POLR1B: variants seen among roughly 807,000 people sequenced by gnomAD.
POLR1B encodes DNA-directed RNA polymerase I subunit RPA2.
In POLR1B, 30 loss-of-function variants were observed where a neutral mutation model predicts 105.8. The observed-to-expected ratio is 0.28, with a 90% CI of 0.21 to 0.38. The LOEUF (loss-of-function observed/expected upper bound fraction) is 0.38. Ranked by LOEUF, POLR1B falls within the 10% of genes least tolerant of loss-of-function variation. The probability of loss-of-function intolerance (pLI) is 1.00; values close to 1 mark genes in which losing one functional copy is unlikely to be tolerated. For synonymous variants in POLR1B, 485 were observed against 505.1 expected, an observed-to-expected ratio of 0.96 and a Z score of 0.53; for missense variants, 976 against 1,435.8, an observed-to-expected ratio of 0.68 and a Z score of 5.17.
rs1057497732 is a variant in POLR1B at position 112,577,038 on chromosome 2, A to G, written c.*1309A>G. 6.6e-6 allele frequency: 1 copy of G among 152,168 alleles called. No homozygotes were observed. Among genetic ancestry groups the G allele is most frequent in the Non-Finnish European group, 1.5e-5 (1 of 68,038 alleles). 9.4% of individuals were successfully genotyped at this position (152,168 alleles called of 1,614,324 possible). On this transcript the variant is annotated 3_prime_UTR_variant, in exon 15 of 15. Coordinates refer to ENST00000263331, the MANE Select transcript of POLR1B (RefSeq NM_019014.6). ...ATTTAAGTTGTTCCATTCTTTGGCCATTATAACTTTTTTCTGCAAATATTC... is the reference window on the plus strand; with the variant it reads ...ATTTAAGTTGTTCCATTCTTTGGCCGTTATAACTTTTTTCTGCAAATATTC...
At chr2:112,550,277 C>T (rs1683301484) in intron 4 of POLR1B, among the ~76,000 whole-genome samples, 1 of 152,222 alleles carries the variant, frequency 6.6e-6, no homozygotes, top group East Asian at 1.9e-4. Flanking sequence ...GCCACCTGGC[C>T]TCTGTTGGAA....
chr2:112,575,875 A>AT lies in POLR1B; in HGVS notation c.*146_*147insT. Reference sequence around the variant, plus strand: ...ACCAAGACCTGAAAACCAAGTATGCAAGGTTTCTGAATCTCTCTGGTAGAT... The same window carrying AT: ...ACCAAGACCTGAAAACCAAGTATGCATAGGTTTCTGAATCTCTCTGGTAGAT... On this transcript the variant is annotated 3_prime_UTR_variant, in exon 15 of 15. Coordinates refer to ENST00000263331, the MANE Select transcript of POLR1B (RefSeq NM_019014.6). The surrounding 1 kb of genome is among the most constrained non-coding windows in gnomAD (Gnocchi z 5.3). 1 of 764,466 alleles carries AT rather than the reference A, an allele frequency of 1.3e-6. No homozygotes were observed. The highest frequency in any genetic ancestry group is 1.8e-5 in the African/African-American group (1 of 57,138). 47.4% of individuals were successfully genotyped at this position (764,466 alleles called of 1,614,324 possible).
In POLR1B at chr2:112,577,373, C is replaced by T. The variant is rs1684917489; in HGVS notation, c.*1644C>T. Reference sequence around the variant, plus strand: ...TAGCCTGGGCGAGACTTCATCTCTACAAAAAAAGCAACAACGACAAAAAAA... The same window carrying T: ...TAGCCTGGGCGAGACTTCATCTCTATAAAAAAAGCAACAACGACAAAAAAA... On this transcript the variant is annotated 3_prime_UTR_variant, in exon 15 of 15. Coordinates refer to ENST00000263331, the MANE Select transcript of POLR1B (RefSeq NM_019014.6). Among the ~76,000 whole-genome samples, 2 of 151,994 alleles carry T rather than the reference C, an allele frequency of 1.3e-5. No homozygotes were observed. The highest frequency in any genetic ancestry group is 2.9e-5 in the Non-Finnish European group (2 of 67,984).
chr2:112,572,370 G>T (rs1454508769), intron 12 of POLR1B, among the ~76,000 whole-genome samples, 192 bp from the exon 13 acceptor site: 3 of 152,108 alleles, frequency 2.0e-5, no homozygotes, highest in Non-Finnish European at 4.4e-5. Flanking sequence ...TTCCTGGTCT[G>T]GTCACGTTGA....
At chr2:112,555,857 G>A (rs547223399) in intron 7 of POLR1B, among the ~76,000 whole-genome samples, 41 of 152,210 alleles carry the variant, frequency 2.7e-4, no homozygotes, top group African/African-American at 9.9e-4. Context: ...CATGACATAA[G>A]ATGAATTATA....
At chr2:112,551,024 C>A in intron 5 of POLR1B, 22 bp downstream of exon 5, 1 of 1,606,366 alleles carries the variant, frequency 6.2e-7, no homozygotes, top group Middle Eastern at 1.7e-4. Flanking sequence ...TGAATGCATT[C>A]TTTTGTTATG....
chr2:112,546,883 GT>G (rs561137466), intron 1 of POLR1B, 128 bp from the exon 2 acceptor site: 600 of 1,021,256 alleles, frequency 5.9e-4, no homozygotes, highest in Non-Finnish European at 8.0e-4. Flanking sequence ...AGCCTTAACT[GT>G]CCTTTTTAGG....
At position 112,564,458 on chromosome 2, in the gene POLR1B, G is replaced by A. The variant is rs1352193328; in HGVS notation, c.1705G>A (p.Asp569Asn). 2 of 1,614,270 alleles carry A rather than the reference G, an allele frequency of 1.2e-6. No individual in the cohort carries two copies. Among genetic ancestry groups the A allele is most frequent in the Admixed American group, 3.3e-5 (2 of 60,036 alleles). The change falls in exon 10 of 15, where the codon GAT becomes AAT. Residue 569 changes from aspartate (D) to asparagine (N), a missense_variant. This residue lies in a region of POLR1B where 184 missense variants were observed against 197.4 expected (regional missense o/e 0.93). Coordinates refer to ENST00000263331, the MANE Select transcript of POLR1B (RefSeq NM_019014.6). Reference protein sequence around the residue: ...DGVMVGWVDKDLAPGIADSLR... With the variant: ...DGVMVGWVDKNLAPGIADSLR... The stretch of plus-strand genomic sequence containing the variant: ...TGTCATGGTTGGCTGGGTGGATAAG[G>A]ATCTTGCTCCAGGCATCGCAGATTC...
In POLR1B at chr2:112,573,657, T is replaced by C; in HGVS notation, c.2367T>C (p.Asp789=). 1 of 1,614,186 alleles carries C rather than the reference T, an allele frequency of 6.2e-7. No homozygotes were observed. Among genetic ancestry groups the C allele is most frequent in the Non-Finnish European group, 8.5e-7 (1 of 1,180,038 alleles). ...TCTCTGAAAAAATTAAACAAGGAGA[T>C]AGTAGCCTGGTGTTTGGCATCAAAC... is the stretch of plus-strand genomic sequence containing the variant. ...IDLSEKIKQG[D]SSLVFGIKPG... is the part of the protein sequence containing the mutation. Residue 789 remains aspartate, a synonymous_variant, in exon 14 of 15, where the codon GAT becomes GAC. Transcript: ENST00000263331.
chr2:112,546,914 AG>A, intron 1 of POLR1B, 97 bp from the exon 2 acceptor site: 1 of 1,309,276 alleles, frequency 7.6e-7, no homozygotes, highest in Non-Finnish European at 1.1e-6. Flanking sequence ...GTGGCATCAC[AG>A]GCATCAATGT....
intron 3 of POLR1B, 86 bp downstream of exon 3, chr2:112,547,653 T>G (rs1200178412): frequency 6.9e-7 from 1 of 1,444,590 alleles, no homozygotes; most frequent in East Asian, 2.3e-5. Flanking sequence ...GTTTTCTTTC[T>G]GTGCTCCAAT....
intron 7 of POLR1B, chr2:112,554,641 A>G (rs935054790): frequency 5.3e-5 from 8 of 152,178 alleles, no homozygotes; most frequent in African/African-American, 1.9e-4. Flanking sequence ...GTTAATTTAC[A>G]TTTCCCATCT....
intron 10 of POLR1B, among the ~76,000 whole-genome samples, chr2:112,567,425 G>A (rs568691001): frequency 4.5e-4 from 68 of 152,100 alleles, no homozygotes; most frequent in African/African-American, 1.5e-3. Context: ...TGTCACCCAG[G>A]CTGGAGTGCA....
chr2:112,551,721 G>A, intron 5 of POLR1B, 54 bp from the exon 6 acceptor site: 1 of 1,390,296 alleles, frequency 7.2e-7, no homozygotes, highest in South Asian at 1.3e-5. Flanking sequence ...TTAGTGAATA[G>A]ATAAAGTATT....
At chr2:112,542,392 G>C (rs1462064485), upstream of POLR1B, 5 of 1,609,630 alleles carry the variant, frequency 3.1e-6, no homozygotes, top group African/African-American at 1.3e-5. Flanking sequence ...ACATTTCCCA[G>C]CAGGCTGCGG....
intron 1 of POLR1B, 111 bp from the exon 2 acceptor site, chr2:112,546,901 A>G (rs1254965344): frequency 4.2e-6 from 5 of 1,203,038 alleles, no homozygotes; most frequent in African/African-American, 3.0e-5. Context: ...TAGGTGTGTC[A>G]TGGTGGCATC....
chr2:112,564,611 G>T, intron 10 of POLR1B, 112 bp downstream of exon 10: 1 of 1,398,658 alleles, frequency 7.1e-7, no homozygotes. Flanking sequence ...TGGTCAGGGG[G>T]TCACAATGTC....
intron 9 of POLR1B, among the ~76,000 whole-genome samples, chr2:112,561,094 T>C (rs916154378): frequency 2.0e-5 from 3 of 151,038 alleles, no homozygotes; most frequent in Non-Finnish European, 2.9e-5. Flanking sequence ...GAGTGGCCTG[T>C]AAGAAGAGGG....
intron 12 of POLR1B, among the ~76,000 whole-genome samples, chr2:112,570,352 T>C (rs902409751): frequency 1.3e-5 from 2 of 152,146 alleles, no homozygotes; most frequent in African/African-American, 4.8e-5. Context: ...CTGGCCCAGA[T>C]TGGATTATTT....
Sources: allele counts gnomAD v4.1 joint callset (sites outside exome capture counted in the v4.1 genomes callset), GRCh38; gene constraint gnomAD v4.1.1; regional missense constraint gnomAD v4.1.1; non-coding constraint Gnocchi (gnomAD v3.1); transcripts MANE v1.5; gene names NCBI Gene and HGNC (gene_info 2026-07-23, HGNC 2026-07-21).